The following SPATA7 variants were observed in gnomAD, a reference collection of about 807,000 sequenced individuals.
The protein encoded by SPATA7 is spermatogenesis associated 7.
A neutral mutation model predicts 51.8 loss-of-function variants in SPATA7; 43 were observed. The observed-to-expected ratio is 0.83, with a 90% CI of 0.65 to 1.07. The LOEUF (loss-of-function observed/expected upper bound fraction) is 1.07, where lower values mean the gene tolerates loss of function less well. Ranked by LOEUF, SPATA7 falls within the 50% of genes least tolerant of loss-of-function variation. The probability of loss-of-function intolerance (pLI) is 0.00; values close to 1 mark genes in which losing one functional copy is unlikely to be tolerated. For synonymous variants in SPATA7, 230 were observed against 252.8 expected (o/e 0.91, Z 0.86); for missense variants, 683 against 701.3 (o/e 0.97, Z 0.30).
At chr14:88,403,849 A>T (rs1478414512) in intron 4 of SPATA7, among the ~76,000 whole-genome samples, 1 of 152,202 alleles carries the variant, frequency 6.6e-6, no homozygotes, top group African/African-American at 2.4e-5. Flanking sequence ...TAGAGTTAAC[A>T]GTACTGTATA....
rs764866808 is a variant in SPATA7 at position 88,469,544 on chromosome 14, CTG to C, written c.255-299_255-298del. 6.2e-7 allele frequency: 1 copy of C among 1,614,168 alleles called. No homozygotes were observed. Among genetic ancestry groups the C allele is most frequent in the Admixed American group, 1.7e-5 (1 of 60,024 alleles). On this transcript the variant is annotated intron_variant, in intron 4 of 4. Transcript: ENST00000556406. The surrounding 1 kb of genome is among the most constrained non-coding windows in gnomAD (Gnocchi z 4.3). The stretch of plus-strand genomic sequence containing the variant: ...TCTGGACAGCCATGTTCAGGCCAGT[CTG>C]TGTATTGGAGGTGCCAGACGGTCCT...
At chr14:88,405,091 G>A (rs2076168556) in intron 4 of SPATA7, among the ~76,000 whole-genome samples, 1 of 152,196 alleles carries the variant, frequency 6.6e-6, no homozygotes, top group Non-Finnish European at 1.5e-5. Flanking sequence ...TTAAGGAAGA[G>A]GCATGTGGCT....
Position 88,431,173 on chromosome 14 carries a change from G to T in SPATA7, c.1030G>T (p.Ala344Ser). The change falls in exon 9 of 12, where the codon GCA becomes TCA. Residue 344 changes from alanine (A) to serine (S), a missense_variant and splice_region_variant. Transcript: ENST00000393545. ...ACTACTTTAACTTCCTCTTTCTAGG[G>T]CAATGTGTCAGTATTCCCTGAAGCC... ...DDALQHSSPR[A>S]MCQYSLKPPS... 1 of 1,613,468 alleles carries T rather than the reference G, an allele frequency of 6.2e-7. No individual in the cohort carries two copies. Among genetic ancestry groups the T allele is most frequent in the Non-Finnish European group, 8.5e-7 (1 of 1,179,620 alleles).
chr14:88,437,654 G>GT, intron 11 of SPATA7, 57 bp downstream of exon 11: 3 of 1,460,024 alleles, frequency 2.1e-6, no homozygotes, highest in South Asian at 1.2e-5. Flanking sequence ...TAATTGTATG[G>GT]TTTTTTTCAT....
At chr14:88,388,585 A>G (rs886954919) in intron 1 of SPATA7, among the ~76,000 whole-genome samples, 18 of 152,168 alleles carry the variant, frequency 1.2e-4, no homozygotes, top group African/African-American at 4.3e-4. Flanking sequence ...ATACTTTCAT[A>G]AAAGAGTAAC....
At chr14:88,386,529 G>C (rs2075582320) in intron 1 of SPATA7, among the ~76,000 whole-genome samples, 1 of 152,110 alleles carries the variant, frequency 6.6e-6, no homozygotes, top group Non-Finnish European at 1.5e-5. Flanking sequence ...TGCAGTTTTA[G>C]CAGCAATCCG....
At chr14:88,392,163 A>G (rs1237025376) in intron 2 of SPATA7, among the ~76,000 whole-genome samples, 2 of 152,196 alleles carry the variant, frequency 1.3e-5, no homozygotes, top group Non-Finnish European at 2.9e-5. Flanking sequence ...TAACATATAT[A>G]TGTATGTAAC....
At chr14:88,404,944 G>T (rs2076165033) in intron 4 of SPATA7, among the ~76,000 whole-genome samples, 1 of 152,030 alleles carries the variant, frequency 6.6e-6, no homozygotes, top group Non-Finnish European at 1.5e-5. Context: ...AGTTGGAGAA[G>T]ACAAACAATA....
intron 3 of SPATA7, among the ~76,000 whole-genome samples, chr14:88,447,817 C>G (rs963953245): frequency 2.6e-5 from 4 of 152,152 alleles, no homozygotes; most frequent in African/African-American, 9.7e-5. Flanking sequence ...TTGGCCCCCA[C>G]TCTCTTCTGG....
chr14:88,426,460 A>G lies in SPATA7; in HGVS notation c.601A>G (p.Arg201Gly). 1.2e-6 allele frequency: 2 copies of G among 1,614,196 alleles called. No individual in the cohort carries two copies. The highest frequency in any genetic ancestry group is 1.7e-6 in the Non-Finnish European group (2 of 1,180,036). The change falls in exon 6 of 12, where the codon AGA becomes GGA. Residue 201 changes from arginine to glycine, a missense_variant. By Grantham distance (125) the Arg-to-Gly change is moderately radical. Transcript: ENST00000393545. ...RKLSSGALYG[R>G]RPRSTFPNSH... ...ACTGAGCTCTGGAGCCCTGTATGGC[A>G]GAAGGCCCAGAAGCACATTCCCAAA...
Position 88,393,427 on chromosome 14 carries a change from C to A in SPATA7, c.129C>A (p.Ser43Arg). Residue 43 changes from serine to arginine, a missense_variant, in exon 3 of 12, where the codon AGC becomes AGA. Physicochemically the swap from Ser to Arg is moderately radical, Grantham distance 110. Transcript: ENST00000393545. ...FCTDSSSLRL[S>R]TLQLVKNHMA... ...CTGACTCCTCTTCTCTCAGACTAAG[C>A]ACTCTCCAGCTGGTCAAGAATCACA... 1 of 1,604,502 alleles carries A rather than the reference C, an allele frequency of 6.2e-7. No individual in the cohort carries two copies. The highest frequency in any genetic ancestry group is 8.5e-7 in the Non-Finnish European group (1 of 1,174,622).
intron 1 of SPATA7, among the ~76,000 whole-genome samples, chr14:88,386,356 C>A (rs1330655141): frequency 2.6e-5 from 4 of 152,166 alleles, no homozygotes; most frequent in Admixed American, 2.6e-4. Flanking sequence ...CTACCTCCCC[C>A]AAAGCTACTG....
intron 5 of SPATA7, among the ~76,000 whole-genome samples, chr14:88,424,644 G>C (rs73327427): frequency 0.035 from 5,355 of 152,056 alleles, 302 homozygotes; most frequent in African/African-American, 0.12. Context: ...ACTGTACTTA[G>C]AAATTTCTTC....
At chr14:88,414,646 T>C (rs1178428355) in intron 4 of SPATA7, 1 of 392,478 alleles carries the variant, frequency 2.5e-6, no homozygotes, top group East Asian at 8.6e-5. Context: ...TTAGATTAAT[T>C]TGAGATCTTT....
intron 5 of SPATA7, among the ~76,000 whole-genome samples, chr14:88,417,352 G>C (rs528194406): frequency 3.3e-5 from 5 of 149,266 alleles, no homozygotes; most frequent in Non-Finnish European, 7.4e-5. Context: ...TGTTGCCCAG[G>C]CTGGAGTGCA....
At position 88,469,034 on chromosome 14, in the gene SPATA7, C is replaced by CTATT. The variant is rs1566803965; in HGVS notation, c.255-811_255-808dup. ...GTTGGGGCTTTGGGGATCACTTGTG[C>CTATT]TATTTGTATGGCGTCGAACAGACTG... On this transcript the variant is annotated intron_variant, in intron 4 of 4. Coordinates refer to the SPATA7 transcript ENST00000556406. This position sits in a 1 kb window ranked among gnomAD's most constrained non-coding sequence, Gnocchi z 4.3. 2 of 1,614,156 alleles carry CTATT rather than the reference C, an allele frequency of 1.2e-6. No individual in the cohort carries two copies. Among genetic ancestry groups the CTATT allele is most frequent in the South Asian group, 2.2e-5 (2 of 91,076 alleles).
chr14:88,386,026 TCGCAGGTC>T, intron 1 of SPATA7, 189 bp downstream of exon 1: 2 of 1,452,230 alleles, frequency 1.4e-6, no homozygotes, highest in Non-Finnish European at 1.8e-6. Context: ...CTTGCCAGCC[TCGCAGGTC>T]CGCTTCTTTG....
intron 4 of SPATA7, among the ~76,000 whole-genome samples, chr14:88,462,421 C>G (rs978061499): frequency 2.6e-5 from 4 of 152,212 alleles, no homozygotes; most frequent in Non-Finnish European, 5.9e-5. Flanking sequence ...ATCCAACCTT[C>G]TGAATTTCTT....
At chr14:88,421,485 T>C (rs2076640414) in intron 5 of SPATA7, among the ~76,000 whole-genome samples, 1 of 152,166 alleles carries the variant, frequency 6.6e-6, no homozygotes. Context: ...CTGGGAGCCA[T>C]AGACCAGTTT....
Sources: gnomAD v4.1 joint callset for allele counts (sites outside exome capture counted in the v4.1 genomes callset) on GRCh38, gnomAD v4.1.1 for gene constraint, Gnocchi (gnomAD v3.1) non-coding constraint, MANE v1.5 for transcripts, NCBI Gene and HGNC (gene_info 2026-07-23, HGNC 2026-07-21) for gene names.